TTC21B: variants seen among roughly 807,000 people sequenced by gnomAD.
TTC21B encodes tetratricopeptide repeat protein 21B.
TTC21B carries 127 observed loss-of-function variants against 175.1 expected under a neutral mutation model. The ratio of observed to expected loss-of-function variants is 0.73; its 90% CI spans 0.63 to 0.84. The LOEUF is 0.84. TTC21B is among the 40% of genes least tolerant of loss of function. TTC21B has a pLI of 0.00. For synonymous variants in TTC21B, 524 were observed against 524.5 expected (o/e 1.00, Z 0.01); for missense variants, 1,561 against 1,558.3 (o/e 1.00, Z -0.03).
rs373305833 is a variant in TTC21B, at chr2:165,901,808, C to T, written c.2671G>A (p.Ala891Thr). 5.6e-6 allele frequency: 9 copies of T among 1,614,068 alleles called. No homozygotes were observed. Among genetic ancestry groups the T allele is most frequent in the Non-Finnish European group, 7.6e-6 (9 of 1,180,006 alleles). Residue 891 changes from alanine (A) to threonine (T), a missense_variant, in exon 20 of 29, where the codon GCA becomes ACA. Physicochemically the swap from Ala to Thr is moderately conservative, Grantham distance 58. Coordinates refer to ENST00000243344, the MANE Select transcript of TTC21B (RefSeq NM_024753.5). ...HLAAEICAEI[A>T]KHSVAQRDYE... Reference sequence around the variant, plus strand: ...TCTCGCTGAGCAACAGAATGTTTTGCAATCTCTGCACAAATTTCAGCTGCT... The same window carrying T: ...TCTCGCTGAGCAACAGAATGTTTTGTAATCTCTGCACAAATTTCAGCTGCT...
intron 15 of TTC21B, among the ~76,000 whole-genome samples, chr2:165,914,835 T>C (rs546257188): frequency 3.2e-4 from 48 of 152,102 alleles, no homozygotes; most frequent in African/African-American, 8.4e-4. Flanking sequence ...AACTACTATA[T>C]CGACTAATAA....
chr2:165,933,422 T>C (rs891887949), intron 6 of TTC21B, among the ~76,000 whole-genome samples: 1 of 152,046 alleles, frequency 6.6e-6, no homozygotes, highest in African/African-American at 2.4e-5. Context: ...GGGTCAAACA[T>C]TACAATACCT....
intron 6 of TTC21B, 85 bp downstream of exon 6, chr2:165,940,942 C>T: frequency 6.7e-7 from 1 of 1,498,544 alleles, no homozygotes. Context: ...TTTAAAAACC[C>T]TTATGAAAAA....
intron 22 of TTC21B, among the ~76,000 whole-genome samples, chr2:165,897,428 A>G (rs1685408205): frequency 6.6e-6 from 1 of 152,170 alleles, no homozygotes; most frequent in Non-Finnish European, 1.5e-5. Flanking sequence ...AAGATGAGAC[A>G]AAGGTTAACT....
chr2:165,876,369 C>T, intron 27 of TTC21B, 137 bp from the exon 28 acceptor site: 1 of 667,238 alleles, frequency 1.5e-6, no homozygotes. Context: ...CTACGCTATA[C>T]AGAGAAGTTG....
chr2:165,921,031 C>T (rs1268007385), intron 12 of TTC21B, among the ~76,000 whole-genome samples: 1 of 152,088 alleles, frequency 6.6e-6, no homozygotes, highest in African/African-American at 2.4e-5. Context: ...CTTCAAATTT[C>T]CCTCATGTTA....
intron 6 of TTC21B, among the ~76,000 whole-genome samples, chr2:165,939,377 A>T (rs1687284044): frequency 6.6e-6 from 1 of 152,184 alleles, no homozygotes; most frequent in African/African-American, 2.4e-5. Flanking sequence ...GTGACTTTCT[A>T]TGCAATTTAT....
intron 27 of TTC21B, among the ~76,000 whole-genome samples, chr2:165,878,441 TTC>T (rs1684738436): frequency 6.6e-6 from 1 of 152,150 alleles, no homozygotes; most frequent in Non-Finnish European, 1.5e-5. Context: ...GAGTAGTTTC[TTC>T]TCTCATTGGA....
intron 21 of TTC21B, among the ~76,000 whole-genome samples, 167 bp downstream of exon 21, chr2:165,899,603 A>C (rs2105302866): frequency 6.6e-6 from 1 of 152,236 alleles, no homozygotes; most frequent in East Asian, 1.9e-4. Context: ...TAAAATCCTA[A>C]TGATTCTGGG....
intron 5 of TTC21B, among the ~76,000 whole-genome samples, chr2:165,941,878 G>C (rs1042471189): frequency 4.6e-5 from 7 of 152,072 alleles, no homozygotes; most frequent in African/African-American, 1.7e-4. Context: ...ATATATAATA[G>C]TTTAACTGGT....
intron 19 of TTC21B, among the ~76,000 whole-genome samples, chr2:165,905,832 G>C (rs1229782260): frequency 1.3e-5 from 2 of 152,134 alleles, no homozygotes; most frequent in Non-Finnish European, 2.9e-5. Context: ...GTTGAACTAA[G>C]TATTTATTAG....
chr2:165,884,620 T>G (rs1354345087), intron 25 of TTC21B, among the ~76,000 whole-genome samples: 3 of 152,184 alleles, frequency 2.0e-5, no homozygotes, highest in Non-Finnish European at 4.4e-5. Context: ...AATAAACTCA[T>G]GCCTTAAAAT....
chr2:165,900,340 T>G (rs1034553947), intron 20 of TTC21B, among the ~76,000 whole-genome samples: 27 of 152,224 alleles, frequency 1.8e-4, no homozygotes, highest in African/African-American at 6.5e-4. Context: ...TATGCCTTGC[T>G]AAAGGTTGTT....
intron 25 of TTC21B, among the ~76,000 whole-genome samples, chr2:165,884,380 AG>A (rs1266504283): frequency 6.6e-6 from 1 of 152,164 alleles, no homozygotes; most frequent in Non-Finnish European, 1.5e-5. Flanking sequence ...ATCCTTATTG[AG>A]CAGTTTGTAT....
chr2:165,879,866 A>C (rs1684784195), intron 27 of TTC21B: 1 of 152,188 alleles, frequency 6.6e-6, no homozygotes, highest in Non-Finnish European at 1.5e-5. Context: ...AAGATGAGAG[A>C]CTCGGAATCC....
rs1337349487 is a variant in TTC21B, at chr2:165,890,352, ATT to A, written c.3263+125_3263+126del. 1.0e-4 allele frequency: 85 copies of A among 840,190 alleles called. 1 individual carries two copies. Among genetic ancestry groups the A allele is most frequent in the Non-Finnish European group, 1.6e-4 (83 of 528,194 alleles). 52.0% of individuals were successfully genotyped at this position (840,190 alleles called of 1,614,324 possible). The stretch of plus-strand genomic sequence containing the variant: ...CTCTGAAACAGGCAATGAAATGCCT[ATT>A]TATTTAATTTATTCATCTGACCTTT... On this transcript the variant is annotated intron_variant, in intron 24 of 28. Coordinates refer to ENST00000243344, the MANE Select transcript of TTC21B (RefSeq NM_024753.5).
rs765832798 is a variant in TTC21B at position 165,929,377 on chromosome 2, T to G, written c.1186-42A>C. On this transcript the variant is annotated intron_variant, in intron 10 of 28. Transcript: ENST00000243344. ...TTTCATAAATTATTCCATTTAGTTA[T>G]AAAGCCATTTATTTCCACTTAGATT... 4 of 1,483,006 alleles carry G rather than the reference T, an allele frequency of 2.7e-6. No individual in the cohort carries two copies. The South Asian group carries it at 4.7e-5, about 17-fold the overall frequency. 91.9% of individuals were successfully genotyped at this position (1,483,006 alleles called of 1,614,324 possible).
intron 19 of TTC21B, 126 bp from the exon 20 acceptor site, chr2:165,902,036 T>A: frequency 1.2e-6 from 1 of 845,118 alleles, no homozygotes; most frequent in Non-Finnish European, 1.9e-6. Flanking sequence ...CAAAGTCTGA[T>A]CCAAAGAAAA....
At position 165,919,143 on chromosome 2, in the gene TTC21B, G is replaced by C. The variant is rs1272111071; in HGVS notation, c.1674+133C>G. 7 of 1,072,458 alleles carry C rather than the reference G, an allele frequency of 6.5e-6. 1 individual carries two copies. The highest frequency in any genetic ancestry group is 6.4e-5 in the South Asian group (5 of 77,762). The allele number at this position is 1,072,458 out of a possible 1,614,324, so 66.4% of individuals were successfully genotyped here. On this transcript the variant is annotated intron_variant, in intron 13 of 28. Coordinates refer to ENST00000243344, the MANE Select transcript of TTC21B (RefSeq NM_024753.5). ...GCCTCAATTTTTCCTCCTACTGCTT[G>C]TGAGTTCCATTTTTTTTTCCATTAA...
Sources: allele counts gnomAD v4.1 joint callset (sites outside exome capture counted in the v4.1 genomes callset), GRCh38; gene constraint gnomAD v4.1.1; transcripts MANE v1.5; gene names NCBI Gene and HGNC (gene_info 2026-07-23, HGNC 2026-07-21).